TNS3: variants seen among roughly 807,000 people sequenced by gnomAD.
TNS3 encodes the protein tensin 3.
In TNS3, 45 loss-of-function variants were observed where a neutral mutation model predicts 140.9. That is an observed-to-expected ratio of 0.32 (90% CI 0.25 to 0.41). TNS3 has a LOEUF of 0.41. Ranked by LOEUF, TNS3 falls within the 10% of genes least tolerant of loss-of-function variation. The probability of loss-of-function intolerance (pLI) is 1.00; values close to 1 mark genes in which losing one functional copy is unlikely to be tolerated. For missense variants in TNS3, 1,716 were observed against 1,906.7 expected (o/e 0.90, Z 1.86); for synonymous variants, 815 against 788.4 (o/e 1.03, Z -0.56).
chr7:47,468,174 AGTGGCTCACACTT>A (rs1796800579), intron 4 of TNS3, among the ~76,000 whole-genome samples: 1 of 152,158 alleles, frequency 6.6e-6, no homozygotes. Flanking sequence ...GGCCGGGCAC[AGTGGCTCACACTT>A]GTAATCCCAG....
At chr7:47,381,291 G>A (rs563846771) in intron 16 of TNS3, among the ~76,000 whole-genome samples, 8 of 152,302 alleles carry the variant, frequency 5.3e-5, no homozygotes, top group African/African-American at 1.4e-4. Context: ...TCTTTTGTGC[G>A]GGATGTGGCT....
At chr7:47,498,377 C>T (rs1474392998) in intron 3 of TNS3, among the ~76,000 whole-genome samples, 1 of 152,216 alleles carries the variant, frequency 6.6e-6, no homozygotes, top group East Asian at 1.9e-4. Flanking sequence ...ATTCTCCCTC[C>T]GGCTGCACCT....
At chr7:47,561,531 A>G (rs895927388) in intron 1 of TNS3, among the ~76,000 whole-genome samples, 1 of 152,124 alleles carries the variant, frequency 6.6e-6, no homozygotes, top group Non-Finnish European at 1.5e-5. Flanking sequence ...CCCTCATCAC[A>G]ATGGCTACTA....
In TNS3 at chr7:47,540,922, A is replaced by G. The variant is rs923867446; in HGVS notation, c.-264-11775T>C. 3.2e-4 allele frequency among the ~76,000 whole-genome samples: 48 copies of G among 152,344 alleles called. 1 individual carries two copies. The highest frequency in any genetic ancestry group is 9.6e-4 in the East Asian group (5 of 5,184). On this transcript the variant is annotated intron_variant, in intron 1 of 30. Transcript: ENST00000311160. Reference sequence around the variant, plus strand: ...CAGTACCGAGCTGGGCTGGACTCCAACGTCACAGGGGGCTCTAACTGGCAA... The same window carrying G: ...CAGTACCGAGCTGGGCTGGACTCCAGCGTCACAGGGGGCTCTAACTGGCAA...
chr7:47,426,635 G>A (rs1431059675), intron 9 of TNS3, among the ~76,000 whole-genome samples: 1 of 152,134 alleles, frequency 6.6e-6, no homozygotes, highest in Non-Finnish European at 1.5e-5. Context: ...GGATGCTGAG[G>A]CTTAGAGAGA....
intron 1 of TNS3, among the ~76,000 whole-genome samples, chr7:47,537,766 G>A (rs1799655077): frequency 2.0e-5 from 3 of 152,142 alleles, no homozygotes; most frequent in African/African-American, 4.8e-5. Context: ...GTGGAAAGCA[G>A]GTAAACACCG....
chr7:47,360,347 C>T (rs1236973512), intron 17 of TNS3, among the ~76,000 whole-genome samples: 1 of 152,190 alleles, frequency 6.6e-6, no homozygotes, highest in Non-Finnish European at 1.5e-5. Context: ...TCTCAAGGCA[C>T]ATAAATATCC....
intron 3 of TNS3, among the ~76,000 whole-genome samples, chr7:47,498,926 G>A (rs764809696): frequency 6.6e-6 from 1 of 152,250 alleles, no homozygotes; most frequent in Admixed American, 6.5e-5. Context: ...AAGGCCCCGA[G>A]CTGCTGGCAG....
chr7:47,564,792 T>C (rs993269892), intron 1 of TNS3, among the ~76,000 whole-genome samples: 2 of 151,904 alleles, frequency 1.3e-5, no homozygotes, highest in African/African-American at 4.8e-5. Flanking sequence ...CTGATTAATA[T>C]CACTAAGCTC....
chr7:47,550,412 G>A (rs914883264), intron 1 of TNS3, among the ~76,000 whole-genome samples: 5 of 152,192 alleles, frequency 3.3e-5, no homozygotes, highest in South Asian at 2.1e-4. Context: ...CACAGGATCC[G>A]TCCTGTAAGG....
intron 3 of TNS3, among the ~76,000 whole-genome samples, chr7:47,484,722 G>T (rs1396125077): frequency 6.6e-6 from 1 of 152,212 alleles, no homozygotes; most frequent in African/African-American, 2.4e-5. Flanking sequence ...CATGCATCAG[G>T]AGGGTATCTC....
intron 2 of TNS3, among the ~76,000 whole-genome samples, chr7:47,521,791 A>G (rs1798989101): frequency 6.6e-6 from 1 of 152,120 alleles, no homozygotes. Context: ...GCACAGCCTC[A>G]AAGGGCCACC....
intron 3 of TNS3, among the ~76,000 whole-genome samples, chr7:47,490,197 A>T (rs1797759917): frequency 6.6e-6 from 1 of 152,212 alleles, no homozygotes. Context: ...CACAAGGAAA[A>T]TCCAGGTCCC....
intron 23 of TNS3, among the ~76,000 whole-genome samples, chr7:47,299,022 G>T (rs1786223707): frequency 6.6e-6 from 1 of 152,236 alleles, no homozygotes; most frequent in Admixed American, 6.5e-5. Context: ...CTGGGTGGGG[G>T]GCCTCCTGGG....
rs142088710 is a variant in TNS3, at chr7:47,446,305, G to A, written c.-75-4250C>T. ...TTTTTTGTATTTTTAATAGAGGCAA[G>A]GTTCCACTCTCTAGGTGTTTTGAAA... is the stretch of plus-strand genomic sequence containing the variant. On this transcript the variant is annotated intron_variant, in intron 4 of 30. Coordinates refer to ENST00000311160, the MANE Select transcript of TNS3 (RefSeq NM_022748.12). Among the ~76,000 whole-genome samples, 440 of 152,188 alleles carry A rather than the reference G, an allele frequency of 2.9e-3. 1 individual carries two copies. The highest frequency in any genetic ancestry group is 0.01 in the African/African-American group (417 of 41,528).
At chr7:47,546,494 G>A (rs1447622346) in intron 1 of TNS3, among the ~76,000 whole-genome samples, 1 of 152,172 alleles carries the variant, frequency 6.6e-6, no homozygotes, top group Non-Finnish European at 1.5e-5. Context: ...AGGACGGTGA[G>A]GTGCTGAGGC....
At chr7:47,401,034 G>A (rs2151347504) in intron 13 of TNS3, 120 bp from the exon 14 acceptor site, 1 of 1,434,614 alleles carries the variant, frequency 7.0e-7, no homozygotes, top group South Asian at 1.3e-5. Flanking sequence ...CTGGCTGGGA[G>A]TTCACGCTTT....
At chr7:47,330,539 G>A (rs1788275912) in intron 20 of TNS3, among the ~76,000 whole-genome samples, 2 of 152,126 alleles carry the variant, frequency 1.3e-5, no homozygotes, top group African/African-American at 4.8e-5. Flanking sequence ...CCCAACCCAG[G>A]TCCCACTGGG....
At chr7:47,363,132 ACTG>A (rs1790479510) in intron 17 of TNS3, among the ~76,000 whole-genome samples, 2 of 32,492 alleles carry the variant, frequency 6.2e-5, no homozygotes, top group Non-Finnish European at 1.4e-4. Flanking sequence ...CACCATCATC[ACTG>A]TCATCATCAC....
Sources: gnomAD v4.1 joint callset for allele counts (sites outside exome capture counted in the v4.1 genomes callset) on GRCh38, gnomAD v4.1.1 for gene constraint, MANE v1.5 for transcripts, NCBI Gene and HGNC (gene_info 2026-07-23, HGNC 2026-07-21) for gene names.